The following CRADD variants were observed in gnomAD, a reference collection of about 807,000 sequenced individuals.
The protein encoded by CRADD is death domain-containing protein CRADD.
Under a neutral mutation model 15.5 loss-of-function variants are expected in CRADD, and 9 were observed. The observed-to-expected ratio is 0.58, with a 90% CI of 0.35 to 1.01. The LOEUF is 1.01. Among genes scored for constraint, CRADD ranks in the 50% least tolerant of loss-of-function variants. The pLI, the probability that CRADD is intolerant of heterozygous loss-of-function variation, is 0.02. For missense variants in CRADD, 227 were observed against 250.3 expected (o/e 0.91, Z 0.63); for synonymous variants, 118 against 107.6 (o/e 1.10, Z -0.60).
rs114256283 is a variant in CRADD at position 93,775,373 on chromosome 12, C to T, written c.299-74597C>T. Among the ~76,000 whole-genome samples the T allele has an allele frequency of 8.7e-3, 1,318 of 152,144 alleles. 23 individuals carry two copies. Among genetic ancestry groups the T allele is most frequent in the African/African-American group, 0.03 (1,234 of 41,470 alleles). The stretch of plus-strand genomic sequence containing the variant: ...CAGTATGAAGAGGAAGACACACACC[C>T]GTGTAGAGGATGTGCAAACACGTAT... On this transcript the variant is annotated intron_variant, in intron 2 of 2. Coordinates refer to ENST00000332896, the MANE Select transcript of CRADD (RefSeq NM_003805.5).
intron 2 of CRADD, among the ~76,000 whole-genome samples, chr12:93,798,640 C>T (rs758892645): frequency 2.6e-5 from 4 of 152,136 alleles, no homozygotes; most frequent in African/African-American, 4.8e-5. Flanking sequence ...TTCTTCCTTT[C>T]CAAGGTTGGA....
intron 2 of CRADD, among the ~76,000 whole-genome samples, chr12:93,685,216 C>T (rs1474560922): frequency 3.3e-5 from 5 of 151,928 alleles, no homozygotes; most frequent in East Asian, 1.9e-4. Context: ...TTTCTATTTA[C>T]GAAGTTCCTT....
chr12:93,729,785 CA>C (rs55852003), intron 2 of CRADD, among the ~76,000 whole-genome samples: 2,270 of 75,508 alleles, frequency 0.03, 20 homozygotes, highest in African/African-American at 0.056. Flanking sequence ...GACTCCGTCT[CA>C]AAAAAAAAAA....
intron 2 of CRADD, among the ~76,000 whole-genome samples, chr12:93,884,474 T>A (rs1958522343): frequency 6.6e-6 from 1 of 152,124 alleles, no homozygotes; most frequent in Non-Finnish European, 1.5e-5. Flanking sequence ...TGAAGCCTAC[T>A]ATTTCCCGAC....
intron 2 of CRADD, among the ~76,000 whole-genome samples, chr12:93,737,449 A>T (rs928540834): frequency 1.3e-5 from 2 of 152,244 alleles, no homozygotes; most frequent in Non-Finnish European, 2.9e-5. Flanking sequence ...AATTTAAAAG[A>T]AAGGATTCAA....
intron 2 of CRADD, among the ~76,000 whole-genome samples, chr12:93,737,191 T>G (rs10859568): frequency 4.6e-5 from 7 of 151,962 alleles, no homozygotes; most frequent in African/African-American, 1.7e-4. Context: ...TGTGGACCCA[T>G]ATATTTTGTG....
At chr12:93,715,350 TC>T (rs1441362042) in intron 2 of CRADD, among the ~76,000 whole-genome samples, 1 of 152,196 alleles carries the variant, frequency 6.6e-6, no homozygotes, top group Non-Finnish European at 1.5e-5. Flanking sequence ...CAAAAATACT[TC>T]ACAAGAACAT....
In CRADD at chr12:93,814,663, C is replaced by T. The variant is rs570468930; in HGVS notation, c.299-35307C>T. The stretch of plus-strand genomic sequence containing the variant: ...CCTGAGAGCACAGAACTGGCAGTCA[C>T]GAGGCCTGCATTCTCCAGCTTCGCC... On this transcript the variant is annotated intron_variant, in intron 2 of 2. Coordinates refer to ENST00000332896, the MANE Select transcript of CRADD (RefSeq NM_003805.5). 7.4e-4 allele frequency among the ~76,000 whole-genome samples: 113 copies of T among 152,294 alleles called. No individual in the cohort carries two copies. The Middle Eastern group carries it at 0.01, about 14-fold the overall frequency.
chr12:93,757,597 T>C lies in CRADD; in HGVS notation c.298+78525T>C, dbSNP rs191802185. ...AGGTTTTAATAACTTGTCGTTTTTC[T>C]GTTCCAAATTTTGAGAGTAGCAGTA... On this transcript the variant is annotated intron_variant, in intron 2 of 2. Coordinates refer to ENST00000332896, the MANE Select transcript of CRADD (RefSeq NM_003805.5). Among the ~76,000 whole-genome samples, 532 of 152,368 alleles carry C rather than the reference T, an allele frequency of 3.5e-3. 5 individuals carry two copies. The highest frequency in any genetic ancestry group is 0.027 in the Middle Eastern group (8 of 294).
intron 2 of CRADD, among the ~76,000 whole-genome samples, chr12:93,702,974 A>G (rs139977965): frequency 1.3e-3 from 196 of 152,240 alleles, no homozygotes; most frequent in African/African-American, 4.6e-3. Context: ...GTTTTGTTCA[A>G]TCCAGTCAGG....
intron 2 of CRADD, among the ~76,000 whole-genome samples, chr12:93,782,897 T>C (rs1156311613): frequency 1.3e-5 from 2 of 152,132 alleles, no homozygotes; most frequent in African/African-American, 2.4e-5. Context: ...TATAGGGAAA[T>C]ACGTGAAATC....
intron 2 of CRADD, among the ~76,000 whole-genome samples, chr12:93,822,857 A>G (rs539827849): frequency 1.1e-4 from 16 of 152,336 alleles, no homozygotes; most frequent in Middle Eastern, 6.8e-3. Flanking sequence ...CTAGACATAG[A>G]TAAATCAAAT....
At chr12:93,797,667 T>G (rs1009445053) in intron 2 of CRADD, among the ~76,000 whole-genome samples, 5 of 152,216 alleles carry the variant, frequency 3.3e-5, no homozygotes, top group Admixed American at 3.3e-4. Flanking sequence ...AATAGGTAAC[T>G]CAACTGCTGG....
intron 2 of CRADD, among the ~76,000 whole-genome samples, chr12:93,726,295 A>G (rs538758304): frequency 6.6e-6 from 1 of 151,654 alleles, no homozygotes; most frequent in East Asian, 1.9e-4. Context: ...TTAGAGATGG[A>G]GTTTCACCAT....
chr12:93,777,897 A>G (rs1447135466), intron 2 of CRADD, among the ~76,000 whole-genome samples: 1 of 152,138 alleles, frequency 6.6e-6, no homozygotes, highest in Non-Finnish European at 1.5e-5. Flanking sequence ...TGACCTCCAT[A>G]CATTAAATCA....
intron 2 of CRADD, among the ~76,000 whole-genome samples, chr12:93,860,461 T>C (rs1478980312): frequency 7.2e-5 from 11 of 152,170 alleles, no homozygotes; most frequent in Admixed American, 7.2e-4. Context: ...TAGCAGTCAA[T>C]GTGACAGTCT....
chr12:93,711,055 C>CCCCCTTTTTTT, intron 2 of CRADD, among the ~76,000 whole-genome samples: 15 of 43,506 alleles, frequency 3.4e-4, no homozygotes, highest in South Asian at 1.3e-3. Flanking sequence ...CCACCCCCGC[C>CCCCCTTTTTTT]TTTTTTTTTT....
chr12:93,854,703 C>A (rs1407177049), downstream of CRADD, among the ~76,000 whole-genome samples: 1 of 152,166 alleles, frequency 6.6e-6, no homozygotes, highest in African/African-American at 2.4e-5. Flanking sequence ...TCCCCCACCC[C>A]ACAGAATGCA....
intron 2 of CRADD, among the ~76,000 whole-genome samples, chr12:93,870,029 T>A (rs1958404660): frequency 1.3e-5 from 2 of 152,100 alleles, no homozygotes; most frequent in South Asian, 4.2e-4. Flanking sequence ...AAAAAAAATC[T>A]TTAAAACAGC....
Sources: gnomAD v4.1 joint callset for allele counts (sites outside exome capture counted in the v4.1 genomes callset) on GRCh38, gnomAD v4.1.1 for gene constraint, MANE v1.5 for transcripts, NCBI Gene and HGNC (gene_info 2026-07-23, HGNC 2026-07-21) for gene names.